Variants in PBX1 observed in about 807,000 individuals in gnomAD.
PBX1 encodes the protein PBX homeobox 1.
Under a neutral mutation model 53.4 loss-of-function variants are expected in PBX1, and 6 were observed. The observed-to-expected ratio is 0.11, with a 90% CI of 0.06 to 0.22. The LOEUF (loss-of-function observed/expected upper bound fraction) is 0.22. Ranked by LOEUF, PBX1 falls within the 10% of genes least tolerant of loss-of-function variation. The pLI, the probability that PBX1 is intolerant of heterozygous loss-of-function variation, is 1.00. For missense variants in PBX1, 251 were observed against 551.4 expected (o/e 0.46, Z 5.46); for synonymous variants, 204 against 212.3 (o/e 0.96, Z 0.34).
chr1:164,877,364 G>A (rs1558056466), intron 2 of PBX1, among the ~76,000 whole-genome samples: 1 of 152,178 alleles, frequency 6.6e-6, no homozygotes, highest in East Asian at 1.9e-4. Flanking sequence ...GATTTTGAGG[G>A]TATAAAAGTA....
intron 2 of PBX1, among the ~76,000 whole-genome samples, chr1:164,866,654 A>T (rs1672226485): frequency 1.3e-5 from 2 of 152,312 alleles, no homozygotes; most frequent in Admixed American, 6.5e-5. Flanking sequence ...AGTAACTGTA[A>T]CCATGACTTA....
chr1:164,867,572 G>C (rs1343230415), intron 2 of PBX1, among the ~76,000 whole-genome samples: 2 of 152,208 alleles, frequency 1.3e-5, no homozygotes. Context: ...TCAAATGGTG[G>C]CCTAAAAACT....
At chr1:164,818,189 A>G (rs1558026031) in intron 6 of PBX1, 1 of 152,178 alleles carries the variant, frequency 6.6e-6, no homozygotes, top group Non-Finnish European at 1.5e-5. Context: ...TAGTATATAG[A>G]GATATTATAT....
At chr1:164,639,714 G>C (rs557431490) in intron 2 of PBX1, 44 of 152,338 alleles carry the variant, frequency 2.9e-4, no homozygotes, top group African/African-American at 1.0e-3. Context: ...TCAGGCTGGA[G>C]TGCAGTGGCA....
intron 2 of PBX1, among the ~76,000 whole-genome samples, chr1:164,592,761 C>T (rs1403085978): frequency 6.6e-6 from 1 of 152,154 alleles, no homozygotes; most frequent in Non-Finnish European, 1.5e-5. Flanking sequence ...CCAACCATCC[C>T]TCCTGAGTAG....
Position 164,786,681 on chromosome 1 carries a change from C to CTGTGTGTGTG in PBX1, c.266-5782_266-5773dup, listed in dbSNP as rs74747780. ...GGTGTGCCTTGGGCATCAGAAGAGA[C>CTGTGTGTGTG]TGTGTGTGTGTGTGTGTGTGTGTGT... is the stretch of plus-strand genomic sequence containing the variant. On this transcript the variant is annotated intron_variant, in intron 2 of 8. Transcript: ENST00000420696. Among the ~76,000 whole-genome samples, 14 of 140,610 alleles carry CTGTGTGTGTG rather than the reference C, an allele frequency of 1.0e-4. No homozygotes were observed. The East Asian group carries it at 1.4e-3, about 14-fold the overall frequency. 92.2% of individuals were successfully genotyped at this position (140,610 alleles called of 152,430 possible). A position where few individuals can be genotyped will look rare whatever the true frequency, so the allele number is the denominator to read the frequency against.
At chr1:164,854,718 G>C (rs529084849), downstream of PBX1, among the ~76,000 whole-genome samples, 2 of 152,180 alleles carry the variant, frequency 1.3e-5, no homozygotes, top group African/African-American at 4.8e-5. Context: ...TATAGCAGTG[G>C]CATTGCCCAG....
chr1:164,864,678 C>T (rs932425002), intron 2 of PBX1, among the ~76,000 whole-genome samples: 7 of 152,100 alleles, frequency 4.6e-5, no homozygotes, highest in Non-Finnish European at 4.4e-5. Flanking sequence ...CTGCTATTGC[C>T]GTGGGTCAGC....
intron 2 of PBX1, among the ~76,000 whole-genome samples, chr1:164,596,030 G>A (rs1430315865): frequency 6.6e-6 from 1 of 151,160 alleles, no homozygotes; most frequent in African/African-American, 2.4e-5. Context: ...AGAGTGAGTT[G>A]TAAAGAACAA....
intron 2 of PBX1, among the ~76,000 whole-genome samples, chr1:164,689,740 A>T (rs1203594766): frequency 6.6e-6 from 1 of 152,126 alleles, no homozygotes; most frequent in Non-Finnish European, 1.5e-5. Context: ...ATTGATTTTC[A>T]TTCTCAGTGA....
chr1:164,596,553 AC>A (rs1039994780), intron 2 of PBX1, among the ~76,000 whole-genome samples: 1 of 152,178 alleles, frequency 6.6e-6, no homozygotes, highest in African/African-American at 2.4e-5. Flanking sequence ...TTTACTGTGT[AC>A]TTTTTGCATT....
chr1:164,702,760 G>A (rs530321718), intron 2 of PBX1, among the ~76,000 whole-genome samples: 75 of 152,212 alleles, frequency 4.9e-4, no homozygotes, highest in Non-Finnish European at 9.4e-4. Flanking sequence ...TGCCAGGACC[G>A]TCCCTTCAGG....
intron 2 of PBX1, among the ~76,000 whole-genome samples, chr1:164,710,553 T>G (rs1359919968): frequency 6.6e-6 from 1 of 152,014 alleles, no homozygotes; most frequent in Non-Finnish European, 1.5e-5. Context: ...CTGGGAATAC[T>G]GGCATGCACC....
chr1:164,880,549 C>A (rs1672621706), intron 2 of PBX1, among the ~76,000 whole-genome samples: 2 of 152,214 alleles, frequency 1.3e-5, no homozygotes, highest in Non-Finnish European at 2.9e-5. Flanking sequence ...TTTCCCAGCA[C>A]TCCCATCCTG....
At chr1:164,821,254 C>A (rs1244195102) in intron 7 of PBX1, among the ~76,000 whole-genome samples, 4 of 152,308 alleles carry the variant, frequency 2.6e-5, no homozygotes, top group African/African-American at 4.8e-5. Flanking sequence ...CCTCTATCAT[C>A]CTAATCCTTA....
intron 2 of PBX1, among the ~76,000 whole-genome samples, chr1:164,660,659 T>C (rs1444488215): frequency 6.6e-6 from 1 of 152,206 alleles, no homozygotes; most frequent in African/African-American, 2.4e-5. Flanking sequence ...ATTGCTTGCT[T>C]TTCTTGGTTG....
chr1:164,739,198 G>T (rs950188726), intron 2 of PBX1, among the ~76,000 whole-genome samples: 1 of 152,070 alleles, frequency 6.6e-6, no homozygotes, highest in Non-Finnish European at 1.5e-5. Flanking sequence ...TTCCCCTGGC[G>T]CAAACCAATC....
intron 6 of PBX1, chr1:164,813,165 A>C (rs1669704593): frequency 6.6e-6 from 1 of 152,186 alleles, no homozygotes; most frequent in Non-Finnish European, 1.5e-5. Context: ...TCGTTACTGG[A>C]GAAATGTAGG....
intron 2 of PBX1, among the ~76,000 whole-genome samples, chr1:164,656,768 A>G (rs1660190974): frequency 6.6e-6 from 1 of 152,210 alleles, no homozygotes; most frequent in Non-Finnish European, 1.5e-5. Context: ...CTAATAATGT[A>G]TGAGACTTGT....
Sources: gnomAD v4.1 joint callset for allele counts (sites outside exome capture counted in the v4.1 genomes callset) on GRCh38, gnomAD v4.1.1 for gene constraint, MANE v1.5 for transcripts, NCBI Gene and HGNC (gene_info 2026-07-23, HGNC 2026-07-21) for gene names.